The following OTOF variants were observed in gnomAD, a reference collection of about 807,000 sequenced individuals.
OTOF encodes the protein otoferlin.
Under a neutral mutation model 236.8 loss-of-function variants are expected in OTOF, and 218 were observed. The observed-to-expected ratio is 0.92, with a 90% CI of 0.82 to 1.03. The LOEUF (loss-of-function observed/expected upper bound fraction) is 1.03. Ranked by LOEUF, OTOF falls within the 50% of genes least tolerant of loss-of-function variation. The probability of loss-of-function intolerance (pLI) is 0.00; values close to 1 mark genes in which losing one functional copy is unlikely to be tolerated. For missense variants in OTOF, 2,590 were observed against 2,694.4 expected (o/e 0.96, Z 0.86); for synonymous variants, 1,041 against 1,072.5 (o/e 0.97, Z 0.57).
intron 14 of OTOF, among the ~76,000 whole-genome samples, chr2:26,481,344 C>T (rs1435456432): frequency 6.6e-6 from 1 of 152,212 alleles, no homozygotes; most frequent in African/African-American, 2.4e-5. Flanking sequence ...GGCCCTGTGC[C>T]ATTTTTGCAG....
Position 26,473,205 on chromosome 2 carries a change from G to A in OTOF, c.3660C>T (p.Ser1220=). ...RAFGRYTLVG[S]HAVSSLRRFI... ...AGCGTCGCAGGGAGCTGACGGCATG[G>A]GAGCCCACCAGTGTGTAGCGACCGA... The change falls in exon 29 of 47, where the codon TCC becomes TCT. Residue 1220 remains serine (S), a synonymous_variant. Transcript: ENST00000272371. This position sits in a 1 kb window ranked among gnomAD's most constrained non-coding sequence, Gnocchi z 7.2. The A allele has an allele frequency of 6.2e-7, 1 of 1,613,212 alleles. No homozygotes were observed. The highest frequency in any genetic ancestry group is 8.5e-7 in the Non-Finnish European group (1 of 1,180,004).
In OTOF at chr2:26,537,728, A is replaced by T. The variant is rs750640187; in HGVS notation, c.126T>A (p.Ala42=). The change falls in exon 2 of 47, where the codon GCT becomes GCA. Residue 42 remains alanine, a synonymous_variant. Coordinates refer to ENST00000272371, the MANE Select transcript of OTOF (RefSeq NM_194248.3). ...TTGGGCCTCCTACCTCATCAAAGTC[A>T]GCCACATCCTCACAGTTCTCCAGGA... ...SRVLENCEDV[A]DFDETFRWPV... is the part of the protein sequence containing the mutation. 22 of 1,554,938 alleles carry T rather than the reference A, an allele frequency of 1.4e-5. 1 individual carries two copies. In the South Asian group the frequency reaches 2.6e-4, roughly 18 times the overall value.
At chr2:26,539,350 A>G (rs1020390701) in intron 1 of OTOF, among the ~76,000 whole-genome samples, 1 of 152,174 alleles carries the variant, frequency 6.6e-6, no homozygotes, top group African/African-American at 2.4e-5. Context: ...GGCAGCATGT[A>G]TATTAGAACT....
In OTOF at chr2:26,464,004, G is replaced by A. The variant is rs111033393; in HGVS notation, c.5063C>T (p.Thr1688Met). The A allele has an allele frequency of 1.4e-3, 2,298 of 1,613,764 alleles. No homozygotes were observed. The highest frequency in any genetic ancestry group is 1.9e-3 in the Admixed American group (114 of 60,016). Residue 1688 changes from threonine (T) to methionine (M), a missense_variant, in exon 40 of 47, where the codon ACG becomes ATG. Physicochemically the swap from Thr to Met is moderately conservative, Grantham distance 81. Coordinates refer to ENST00000272371, the MANE Select transcript of OTOF (RefSeq NM_194248.3). ...GCRLVPEHVE[T>M]RPLLNPDKPG... ...CTTGTCGGGGTTGAGCAGCGGCCTC[G>A]TCTCCACATGCTCTGGCACCAGGCG...
intron 32 of OTOF, among the ~76,000 whole-genome samples, 184 bp from the exon 33 acceptor site, chr2:26,468,658 G>A (rs530004598): frequency 6.6e-6 from 1 of 152,316 alleles, no homozygotes; most frequent in Non-Finnish European, 1.5e-5. Flanking sequence ...TGTACAGTGT[G>A]ACTAGTGGTA....
intron 4 of OTOF, among the ~76,000 whole-genome samples, chr2:26,518,562 C>T (rs565584486): frequency 1.3e-5 from 2 of 152,380 alleles, no homozygotes; most frequent in East Asian, 3.9e-4. Context: ...ATCACTAGTG[C>T]ACGCGTGCTC....
chr2:26,476,118 C>G lies in OTOF; in HGVS notation c.2866+10G>C, dbSNP rs369383545. ...CCAGGTGAGGCTTCGAGTGAGGGGT[C>G]CTCACTCACTGGTGTAGACCAGGCT... On this transcript the variant is annotated intron_variant, in intron 23 of 46. Transcript: ENST00000272371. 1.9e-6 allele frequency: 3 copies of G among 1,611,208 alleles called. No individual in the cohort carries two copies. The African/African-American group carries it at 4.0e-5, about 22-fold the overall frequency.
intron 13 of OTOF, 83 bp from the exon 14 acceptor site, chr2:26,482,675 G>GCCCACTCACGCACACA: frequency 8.5e-7 from 1 of 1,174,874 alleles, no homozygotes; most frequent in Non-Finnish European, 1.2e-6. Flanking sequence ...GGGCGCATGT[G>GCCCACTCACGCACACA]TGCGTGAGTG....
chr2:26,473,649 T>C lies in OTOF; in HGVS notation c.3409-82A>G. On this transcript the variant is annotated intron_variant, in intron 27 of 46. Coordinates refer to ENST00000272371, the MANE Select transcript of OTOF (RefSeq NM_194248.3). The surrounding 1 kb of genome is among the most constrained non-coding windows in gnomAD (Gnocchi z 7.2). ...GCCATGGGGGTGCTGGACCATCCAA[T>C]AGGGAACCGGGCAGTGGGATGGGCA... The C allele has an allele frequency of 1.4e-6, 2 of 1,416,620 alleles. No individual in the cohort carries two copies. The highest frequency in any genetic ancestry group is 1.9e-6 in the Non-Finnish European group (2 of 1,045,526). The allele number at this position is 1,416,620 out of a possible 1,614,324, so 87.8% of individuals were successfully genotyped here. A position where few individuals can be genotyped will look rare whatever the true frequency, so the allele number is the denominator to read the frequency against.
Position 26,537,757 on chromosome 2 carries a change from G to A in OTOF, c.97C>T (p.Arg33Trp), listed in dbSNP as rs150867836. ...ACATCCTCACAGTTCTCCAGGACCC[G>A]AGAGTAGAAGGATTGCCCTGTGGGG... ...VTFRGQSFYSRVLENCEDVAD... is the reference protein window; with the variant it reads ...VTFRGQSFYSWVLENCEDVAD... The change falls in exon 2 of 47, where the codon CGG becomes TGG. Residue 33 changes from arginine to tryptophan, a missense_variant. Arg to Trp is a moderately radical substitution (Grantham distance 101). Coordinates refer to ENST00000272371, the MANE Select transcript of OTOF (RefSeq NM_194248.3). 1.9e-5 allele frequency: 29 copies of A among 1,554,406 alleles called. 1 individual carries two copies. The highest frequency in any genetic ancestry group is 3.3e-4 in the Middle Eastern group (2 of 6,014).
At chr2:26,540,019 T>C (rs1667172597) in intron 1 of OTOF, among the ~76,000 whole-genome samples, 1 of 152,266 alleles carries the variant, frequency 6.6e-6, no homozygotes, top group African/African-American at 2.4e-5. Flanking sequence ...CTGCAAACTC[T>C]GCCTCCGGGG....
chr2:26,474,250 A>G (rs1665140467), intron 26 of OTOF, 140 bp from the exon 27 acceptor site: 3 of 1,207,734 alleles, frequency 2.5e-6, no homozygotes, highest in Non-Finnish European at 3.5e-6. Context: ...GATGGGTAGG[A>G]GAGAGGCCCC....
At chr2:26,541,858 G>A (rs1486389286) in intron 1 of OTOF, among the ~76,000 whole-genome samples, 1 of 152,248 alleles carries the variant, frequency 6.6e-6, no homozygotes, top group Admixed American at 6.5e-5. Flanking sequence ...TGTGGATCGA[G>A]TGAGAAGGAG....
rs150779005 is a variant in OTOF at position 26,498,195 on chromosome 2, C to T, written c.766-3122G>A. Among the ~76,000 whole-genome samples the T allele has an allele frequency of 2.7e-3, 418 of 152,334 alleles. 5 individuals carry two copies. Among genetic ancestry groups the T allele is most frequent in the Admixed American group, 2.5e-3 (38 of 15,308 alleles). On this transcript the variant is annotated intron_variant, in intron 8 of 46. Coordinates refer to ENST00000272371, the MANE Select transcript of OTOF (RefSeq NM_194248.3). The stretch of plus-strand genomic sequence containing the variant: ...TACGTTTCTCCCTTCCTCCATGTAG[C>T]AGAGCCAGTGAAGGTGACAACCTGG...
In OTOF at chr2:26,473,316, C is replaced by T. The variant is rs767469771; in HGVS notation, c.3571-22G>A. 1.9e-6 allele frequency: 3 copies of T among 1,613,078 alleles called. No individual in the cohort carries two copies. On this transcript the variant is annotated intron_variant, in intron 28 of 46. Coordinates refer to ENST00000272371, the MANE Select transcript of OTOF (RefSeq NM_194248.3). This position sits in a 1 kb window ranked among gnomAD's most constrained non-coding sequence, Gnocchi z 7.2. ...GGTCCTGGGGTGTTGGCGACAGGAG[C>T]CTGAGCCTCCAAGAAGGGGCAGAGG...
intron 11 of OTOF, among the ~76,000 whole-genome samples, chr2:26,487,351 G>A (rs1665725154): frequency 6.6e-6 from 1 of 152,202 alleles, no homozygotes; most frequent in African/African-American, 2.4e-5. Context: ...GTCCCTGGGA[G>A]GGCACCAGGC....
At position 26,473,188 on chromosome 2, in the gene OTOF, A is replaced by G. The variant is rs764493097; in HGVS notation, c.3677T>C (p.Leu1226Pro). Residue 1226 changes from leucine to proline, a missense_variant, in exon 29 of 47, where the codon CTG becomes CCG. Physicochemically the swap from Leu to Pro is moderately conservative, Grantham distance 98 (BLOSUM62 -3). This residue lies in a region of OTOF where 1,211 missense variants were observed against 1,352.8 expected (regional missense o/e 0.90). Coordinates refer to ENST00000272371, the MANE Select transcript of OTOF (RefSeq NM_194248.3). This position sits in a 1 kb window ranked among gnomAD's most constrained non-coding sequence, Gnocchi z 7.2. The part of the protein sequence containing the change: ...TLVGSHAVSS[L>P]RRFIYRPPDR... The stretch of plus-strand genomic sequence containing the variant: ...TGGGGGCCGGTAGATGAAGCGTCGC[A>G]GGGAGCTGACGGCATGGGAGCCCAC... The G allele has an allele frequency of 9.3e-6, 15 of 1,612,936 alleles. No individual in the cohort carries two copies. Among genetic ancestry groups the G allele is most frequent in the African/African-American group, 5.3e-5 (4 of 74,900 alleles).
intron 15 of OTOF, 68 bp downstream of exon 15, chr2:26,480,718 C>T (rs1665514618): frequency 7.5e-7 from 1 of 1,327,796 alleles, no homozygotes; most frequent in Non-Finnish European, 1.1e-6. Flanking sequence ...GCCTGGGACC[C>T]AGGTGACTCA....
intron 30 of OTOF, among the ~76,000 whole-genome samples, chr2:26,471,737 T>C (rs1287963021): frequency 6.6e-6 from 1 of 152,184 alleles, no homozygotes; most frequent in African/African-American, 2.4e-5. Context: ...CCAGTGCACA[T>C]GCACACACCC....
Sources: allele counts gnomAD v4.1 joint callset (sites outside exome capture counted in the v4.1 genomes callset), GRCh38; gene constraint gnomAD v4.1.1; regional missense constraint gnomAD v4.1.1; non-coding constraint Gnocchi (gnomAD v3.1); transcripts MANE v1.5; gene names NCBI Gene and HGNC (gene_info 2026-07-23, HGNC 2026-07-21).